The following CPLANE1 variants were observed in gnomAD, a reference collection of about 807,000 sequenced individuals.
The protein encoded by CPLANE1 is ciliogenesis and planar polarity effector complex subunit 1, also known as ciliogenesis and planar polarity effector 1.
In CPLANE1, 263 loss-of-function variants were observed where a neutral mutation model predicts 362.5. That is an observed-to-expected ratio of 0.73 (90% CI 0.66 to 0.80). The LOEUF (loss-of-function observed/expected upper bound fraction) is 0.80, where lower values mean the gene tolerates loss of function less well. CPLANE1 is among the 30% of genes least tolerant of loss of function. The pLI, the probability that CPLANE1 is intolerant of heterozygous loss-of-function variation, is 0.00. For missense variants in CPLANE1, 3,461 were observed against 3,793.4 expected, an observed-to-expected ratio of 0.91 and a Z score of 2.30; for synonymous variants, 1,212 against 1,302.6, an observed-to-expected ratio of 0.93 and a Z score of 1.50.
chr5:37,196,902 C>T (rs539900351), intron 20 of CPLANE1, among the ~76,000 whole-genome samples: 3 of 150,554 alleles, frequency 2.0e-5, no homozygotes, highest in Admixed American at 6.6e-5. Flanking sequence ...CCAGCCTGGG[C>T]GACAGAGTGA....
At chr5:37,223,027 A>C (rs1039934023) in intron 14 of CPLANE1, among the ~76,000 whole-genome samples, 1 of 152,230 alleles carries the variant, frequency 6.6e-6, no homozygotes, top group Non-Finnish European at 1.5e-5. Flanking sequence ...ATAAAATCTT[A>C]ATTCCTTACC....
At chr5:37,140,688 AAGATGGTGACCTC>A in intron 44 of CPLANE1, 1 of 985,416 alleles carries the variant, frequency 1.0e-6, no homozygotes, top group Non-Finnish European at 1.2e-6. Context: ...GAGATTAGCG[AAGATGGTGACCTC>A]TTGGGTTAAA....
intron 29 of CPLANE1, 95 bp from the exon 30 acceptor site, chr5:37,177,795 G>A: frequency 2.2e-6 from 2 of 889,502 alleles, no homozygotes; most frequent in East Asian, 2.4e-5. Context: ...CACTTAACCA[G>A]AGTAACAACA....
chr5:37,100,301 G>A, the CPLANE1 span, among the ~76,000 whole-genome samples: 1 of 152,072 alleles, frequency 6.6e-6, no homozygotes. Flanking sequence ...TATAAGGAAG[G>A]GGTCCAGTTT....
intron 41 of CPLANE1, among the ~76,000 whole-genome samples, chr5:37,154,361 T>A (rs73750940): frequency 1.3e-5 from 2 of 151,146 alleles, no homozygotes; most frequent in African/African-American, 4.9e-5. Flanking sequence ...TTATATGAGA[T>A]CTCAGGCAAA....
intron 43 of CPLANE1, among the ~76,000 whole-genome samples, chr5:37,145,663 T>G (rs373824547): frequency 2.0e-5 from 3 of 152,032 alleles, no homozygotes; most frequent in Non-Finnish European, 4.4e-5. Flanking sequence ...ACTAAAAATC[T>G]AATGTATAAT....
Position 37,213,665 on chromosome 5 carries a change from G to A in CPLANE1, c.2814C>T (p.Val938=), listed in dbSNP as rs755756835. The A allele has an allele frequency of 1.9e-5, 30 of 1,543,374 alleles. No homozygotes were observed. The highest frequency in any genetic ancestry group is 3.3e-4 in the Middle Eastern group (2 of 5,998). The change falls in exon 16 of 53, where the codon GTC becomes GTT. Residue 938 remains valine (V), a synonymous_variant. Transcript: ENST00000651892. ...CCATGAAACGAGCCATGGACTGGAC[G>A]ACTCTCACTGCTGCCTCAGGATGAA... ...GGVHPEAAVR[V]VQSMARFMAA...
At chr5:37,196,107 C>T in intron 20 of CPLANE1, 111 bp from the exon 21 acceptor site, 2 of 736,910 alleles carry the variant, frequency 2.7e-6, no homozygotes, top group Non-Finnish European at 4.0e-6. Context: ...ATGGAAAACA[C>T]AGCACATGAA....
intron 33 of CPLANE1, 42 bp from the exon 34 acceptor site, chr5:37,169,603 A>G: frequency 6.7e-7 from 1 of 1,492,966 alleles, no homozygotes; most frequent in South Asian, 1.4e-5. Flanking sequence ...AGAATATATT[A>G]GAAATTCCTT....
Position 37,185,075 on chromosome 5 carries a change from G to A in CPLANE1, c.4194C>T (p.Pro1398=). The change falls in exon 25 of 53, where the codon CCC becomes CCT. Residue 1398 remains proline (P), a synonymous_variant. Coordinates refer to ENST00000651892, the MANE Select transcript of CPLANE1 (RefSeq NM_001384732.1). ...CAACAGACATCATTTCCTCAGTCTGGGGTCCTGGAAAGAAAAGAATAAAAA... is the reference window on the plus strand; with the variant it reads ...CAACAGACATCATTTCCTCAGTCTGAGGTCCTGGAAAGAAAAGAATAAAAA... ...QRLRHCVVKG[P]QTEEMMSVVM... is the part of the protein sequence containing the mutation. 1 of 1,600,640 alleles carries A rather than the reference G, an allele frequency of 6.2e-7. No homozygotes were observed. Among genetic ancestry groups the A allele is most frequent in the Non-Finnish European group, 8.5e-7 (1 of 1,175,980 alleles).
intron 19 of CPLANE1, among the ~76,000 whole-genome samples, chr5:37,199,653 G>C (rs571292911): frequency 6.6e-6 from 1 of 152,308 alleles, no homozygotes; most frequent in East Asian, 1.9e-4. Context: ...AGTAGCTAAA[G>C]ATTATTTTCC....
At chr5:37,235,870 C>CTCT (rs1554111844) in intron 8 of CPLANE1, among the ~76,000 whole-genome samples, 1 of 119,374 alleles carries the variant, frequency 8.4e-6, no homozygotes, top group African/African-American at 3.1e-5. Flanking sequence ...GTGCCCAGCA[C>CTCT]TTTTTTTTTT....
intron 50 of CPLANE1, among the ~76,000 whole-genome samples, chr5:37,116,611 C>T (rs1014254006): frequency 2.0e-5 from 3 of 151,000 alleles, no homozygotes; most frequent in Admixed American, 2.0e-4. Context: ...AGAATGAGTT[C>T]CTGTGTCCAA....
intron 38 of CPLANE1, among the ~76,000 whole-genome samples, chr5:37,160,706 C>G (rs190502162): frequency 0.011 from 1,629 of 142,750 alleles, 40 homozygotes; most frequent in African/African-American, 0.041. Context: ...GAGTCTTGCT[C>G]TGTCGCCCAG....
At chr5:37,085,327 T>C in the CPLANE1 span, 1 of 1,295,748 alleles carries the variant, frequency 7.7e-7, no homozygotes, top group Non-Finnish European at 1.1e-6. Context: ...GTCATCAGCA[T>C]TGACAAGACG....
At chr5:37,135,564 G>A (rs571649578) in intron 46 of CPLANE1, among the ~76,000 whole-genome samples, 1 of 152,300 alleles carries the variant, frequency 6.6e-6, no homozygotes, top group Non-Finnish European at 1.5e-5. Context: ...GCCAGGTGCA[G>A]TGGCTCACAC....
the CPLANE1 span, among the ~76,000 whole-genome samples, chr5:37,088,337 G>A: frequency 0.033 from 4,973 of 152,254 alleles, 264 homozygotes; most frequent in African/African-American, 0.11. Context: ...TTCTATGAGC[G>A]TGTCAGCTGG....
chr5:37,173,957 A>T lies in CPLANE1; in HGVS notation c.5979-10T>A, dbSNP rs1780467207. On this transcript the variant is annotated splice_polypyrimidine_tract_variant and intron_variant, in intron 31 of 52. Transcript: ENST00000651892. ...TGTAGAAATCTGTGCACTGCGTGGAAAGCATTTAAATAAAAAACATGCATT... is the reference window on the plus strand; with the variant it reads ...TGTAGAAATCTGTGCACTGCGTGGATAGCATTTAAATAAAAAACATGCATT... The T allele has an allele frequency of 6.2e-7, 1 of 1,603,346 alleles. No homozygotes were observed. Among genetic ancestry groups the T allele is most frequent in the African/African-American group, 1.3e-5 (1 of 74,512 alleles).
chr5:37,227,553 A>G lies in CPLANE1; in HGVS notation c.1371+15T>C. On this transcript the variant is annotated intron_variant, in intron 10 of 52. Coordinates refer to ENST00000651892, the MANE Select transcript of CPLANE1 (RefSeq NM_001384732.1). ...AAAAGGCAACTTTCCCCAATGATAT[A>G]AAAAAGCACTATACCTTAGACAATA... 2 of 1,515,998 alleles carry G rather than the reference A, an allele frequency of 1.3e-6. No individual in the cohort carries two copies. The highest frequency in any genetic ancestry group is 2.5e-5 in the East Asian group (1 of 40,560). The allele number at this position is 1,515,998 out of a possible 1,614,324, so 93.9% of individuals were successfully genotyped here.
Sources: allele counts gnomAD v4.1 joint callset (sites outside exome capture counted in the v4.1 genomes callset), GRCh38; gene constraint gnomAD v4.1.1; transcripts MANE v1.5; gene names NCBI Gene and HGNC (gene_info 2026-07-23, HGNC 2026-07-21).